The following COL5A2 variants were observed in gnomAD, a reference collection of about 807,000 sequenced individuals.
COL5A2 encodes the protein collagen alpha-2(V) chain.
A neutral mutation model predicts 208.2 loss-of-function variants in COL5A2; 23 were observed. The ratio of observed to expected loss-of-function variants is 0.11; its 90% CI spans 0.08 to 0.16. The LOEUF (loss-of-function observed/expected upper bound fraction) is 0.16, where lower values mean the gene tolerates loss of function less well. COL5A2 is among the 10% of genes least tolerant of loss of function. COL5A2 has a pLI of 1.00. For missense variants in COL5A2, 1,590 were observed against 1,956.4 expected, an observed-to-expected ratio of 0.81 and a Z score of 3.53; for synonymous variants, 625 against 628.5, an observed-to-expected ratio of 0.99 and a Z score of 0.08.
chr2:189,108,284 C>T (rs552433913), intron 2 of COL5A2, among the ~76,000 whole-genome samples: 12 of 151,654 alleles, frequency 7.9e-5, no homozygotes, highest in East Asian at 5.8e-4. Flanking sequence ...TGCATTTAGC[C>T]GATGGTAGTT....
intron 12 of COL5A2, among the ~76,000 whole-genome samples, chr2:189,082,585 G>A (rs1686559192): frequency 6.6e-6 from 1 of 152,170 alleles, no homozygotes; most frequent in African/African-American, 2.4e-5. Context: ...CAGTTTTTAT[G>A]GTCTGCAAGA....
the COL5A2 span, among the ~76,000 whole-genome samples, chr2:189,319,885 C>A: frequency 0.56 from 85,937 of 152,114 alleles, 26,143 homozygotes; most frequent in East Asian, 0.71. Context: ...GTCCCTGACC[C>A]CCAGGTAGCC....
chr2:189,085,327 G>T, intron 10 of COL5A2, 114 bp from the exon 11 acceptor site: 1 of 967,222 alleles, frequency 1.0e-6, no homozygotes, highest in Non-Finnish European at 1.6e-6. Flanking sequence ...TGAAACAAAT[G>T]AAAATGATAA....
At chr2:189,115,905 CT>C (rs1687379725) in intron 1 of COL5A2, among the ~76,000 whole-genome samples, 2 of 152,104 alleles carry the variant, frequency 1.3e-5, no homozygotes, top group Non-Finnish European at 2.9e-5. Flanking sequence ...CTTAGGAACC[CT>C]TTTTTGAATG....
intron 7 of COL5A2, among the ~76,000 whole-genome samples, chr2:189,089,738 T>C (rs566715654): frequency 2.2e-4 from 34 of 152,310 alleles, no homozygotes; most frequent in South Asian, 2.1e-3. Flanking sequence ...ATTATTGTTC[T>C]TATTATATCT....
chr2:189,070,564 A>G (rs1473852271), intron 18 of COL5A2, among the ~76,000 whole-genome samples: 1 of 152,216 alleles, frequency 6.6e-6, no homozygotes, highest in Non-Finnish European at 1.5e-5. Flanking sequence ...CAGTACCACA[A>G]ACACCCAGGA....
chr2:189,336,295 T>C, the COL5A2 span, among the ~76,000 whole-genome samples: 8 of 152,214 alleles, frequency 5.3e-5, no homozygotes, highest in Admixed American at 2.0e-4. Flanking sequence ...CTGTTGAGAT[T>C]GTCAAATGGT....
chr2:189,252,237 T>C, the COL5A2 span, among the ~76,000 whole-genome samples: 1 of 152,274 alleles, frequency 6.6e-6, no homozygotes. Flanking sequence ...AGAAATACCA[T>C]TTGACCCAGC....
At chr2:189,304,566 G>A in the COL5A2 span, among the ~76,000 whole-genome samples, 1 of 152,074 alleles carries the variant, frequency 6.6e-6, no homozygotes. Context: ...GGTGGGGGAA[G>A]GTGCCACACT....
At chr2:189,054,341 T>C in intron 35 of COL5A2, 129 bp from the exon 36 acceptor site, 1 of 690,188 alleles carries the variant, frequency 1.4e-6, no homozygotes, top group South Asian at 1.7e-5. Context: ...AATCATTATC[T>C]ATAATAAATG....
the COL5A2 span, among the ~76,000 whole-genome samples, chr2:189,364,350 T>C: frequency 1.3e-4 from 20 of 152,260 alleles, no homozygotes; most frequent in Non-Finnish European, 2.5e-4. Context: ...TCCCTACATA[T>C]AGAATATAAC....
At chr2:189,252,372 T>A in the COL5A2 span, among the ~76,000 whole-genome samples, 4 of 152,156 alleles carry the variant, frequency 2.6e-5, no homozygotes, top group East Asian at 1.9e-4. Flanking sequence ...CAAATGTCCA[T>A]CAATGATAGA....
chr2:189,410,231 T>A, the COL5A2 span, among the ~76,000 whole-genome samples: 1 of 152,186 alleles, frequency 6.6e-6, no homozygotes, highest in South Asian at 2.1e-4. Context: ...CTAATTAAAT[T>A]ATTTCCATCA....
rs577117293 is a variant in COL5A2, at chr2:189,083,859, G to A, written c.852+125C>T. 3.1e-4 allele frequency: 233 copies of A among 751,370 alleles called. 1 individual carries two copies. The highest frequency in any genetic ancestry group is 9.5e-4 in the South Asian group (60 of 63,322). 46.5% of individuals were successfully genotyped at this position (751,370 alleles called of 1,614,324 possible). A position where few individuals can be genotyped will look rare whatever the true frequency, so the allele number is the denominator to read the frequency against. On this transcript the variant is annotated intron_variant, in intron 12 of 53. Transcript: ENST00000374866. ...GTCCTGTGACATTTTACATTTTTAC[G>A]GAAACAAACAATGCTGTTTGTCTCC...
intron 1 of COL5A2, among the ~76,000 whole-genome samples, chr2:189,139,423 G>C (rs565905452): frequency 2.0e-5 from 3 of 152,076 alleles, no homozygotes; most frequent in Admixed American, 2.0e-4. Flanking sequence ...CTAATTGAGG[G>C]ACATGGTACA....
At chr2:189,355,940 T>G in the COL5A2 span, among the ~76,000 whole-genome samples, 1 of 152,182 alleles carries the variant, frequency 6.6e-6, no homozygotes, top group African/African-American at 2.4e-5. Context: ...ATGTTTAGTG[T>G]TTCCTTCAGG....
At chr2:189,203,153 T>C (rs777816411) in intron 1 of COL5A2, among the ~76,000 whole-genome samples, 36 of 152,188 alleles carry the variant, frequency 2.4e-4, no homozygotes, top group Admixed American at 5.2e-4. Flanking sequence ...ACAATGAGGA[T>C]ATATCATGAC....
intron 1 of COL5A2, among the ~76,000 whole-genome samples, chr2:189,129,936 GAAATAA>G (rs1687679360): frequency 6.6e-6 from 1 of 152,034 alleles, no homozygotes; most frequent in Admixed American, 6.6e-5. Flanking sequence ...AAAGGAAGAT[GAAATAA>G]ATTAATAGTT....
At chr2:189,367,730 A>G in the COL5A2 span, among the ~76,000 whole-genome samples, 1 of 152,232 alleles carries the variant, frequency 6.6e-6, no homozygotes, top group African/African-American at 2.4e-5. Flanking sequence ...TTATATTTCC[A>G]GTATCAAGTC....
Sources: gnomAD v4.1 joint callset for allele counts (sites outside exome capture counted in the v4.1 genomes callset) on GRCh38, gnomAD v4.1.1 for gene constraint, MANE v1.5 for transcripts, NCBI Gene and HGNC (gene_info 2026-07-23, HGNC 2026-07-21) for gene names.